NHS: variants seen among roughly 807,000 people sequenced by gnomAD.
NHS encodes the protein actin remodeling regulator NHS.
Under a neutral mutation model 72.5 loss-of-function variants are expected in NHS, and 5 were observed. The observed-to-expected ratio is 0.07, with a 90% CI of 0.04 to 0.14. NHS has a LOEUF of 0.14. NHS is among the 10% of genes least tolerant of loss of function. The pLI is 1.00. For synonymous variants in NHS, 464 were observed against 547.7 expected, an observed-to-expected ratio of 0.85 and a Z score of 2.13; for missense variants, 1,072 against 1,355.7, an observed-to-expected ratio of 0.79 and a Z score of 3.29.
chrX:17,570,285 A>G, intron 1 of NHS, among the ~76,000 whole-genome samples: 1 of 112,189 alleles, frequency 8.9e-6, no homozygotes, highest in Admixed American at 9.4e-5. Context: ...CACAATATTG[A>G]TTCTTCCTAT....
intron 1 of NHS, among the ~76,000 whole-genome samples, chrX:17,449,274 G>T (rs1327683497): frequency 8.8e-6 from 1 of 113,383 alleles, no homozygotes; most frequent in Non-Finnish European, 1.9e-5. Flanking sequence ...GTGGATTTTG[G>T]ATACCTGAGA....
At chrX:17,380,007 C>A (rs1348429235) in intron 1 of NHS, among the ~76,000 whole-genome samples, 2 of 111,527 alleles carry the variant, frequency 1.8e-5, no homozygotes, top group Admixed American at 9.5e-5. Context: ...GTTTGTGAAG[C>A]CTTGGAGCTA....
intron 1 of NHS, among the ~76,000 whole-genome samples, chrX:17,487,069 T>C (rs2064970288): frequency 8.9e-6 from 1 of 111,929 alleles, no homozygotes; most frequent in Non-Finnish European, 1.9e-5. Context: ...ACGCTCCTGC[T>C]CCAGAAAGCA....
intron 1 of NHS, among the ~76,000 whole-genome samples, chrX:17,597,121 T>A (rs1321002963): frequency 1.3e-5 from 1 of 78,884 alleles, no homozygotes; most frequent in African/African-American, 1.3e-4. Context: ...CTTCCGTTTT[T>A]TTTTTTTTTT....
At chrX:17,530,300 C>T (rs1368848133) in intron 1 of NHS, among the ~76,000 whole-genome samples, 2 of 111,352 alleles carry the variant, frequency 1.8e-5, no homozygotes, top group African/African-American at 3.3e-5. Context: ...CCGAGAGAGA[C>T]GCCAGTGCTG....
At chrX:17,503,743 C>T (rs948014755) in intron 1 of NHS, among the ~76,000 whole-genome samples, 8 of 111,844 alleles carry the variant, frequency 7.2e-5, no homozygotes, top group Non-Finnish European at 1.5e-4. Context: ...GTGATAATTT[C>T]AGGGTGTTTT....
chrX:17,377,463 T>C (rs942136790), intron 1 of NHS, among the ~76,000 whole-genome samples: 9 of 113,248 alleles, frequency 7.9e-5, no homozygotes, highest in African/African-American at 2.9e-4. Flanking sequence ...GCGAAGGTGA[T>C]GTCAGCGGCT....
In NHS at chrX:17,576,159, T is replaced by C. The variant is rs1390009968; in HGVS notation, c.566-111583T>C. On this transcript the variant is annotated intron_variant, in intron 1 of 8. Coordinates refer to ENST00000676302, the MANE Select transcript of NHS (RefSeq NM_001291867.2). ...TTATAGAATACCTAATATGTTATTC[T>C]CTCACTATCCTCAGCCACCCAAAAT... 5.4e-5 allele frequency among the ~76,000 whole-genome samples: 6 copies of C among 111,579 alleles called. No homozygotes were observed. The Admixed American group carries it at 5.7e-4, about 11-fold the overall frequency.
chrX:17,510,074 G>A (rs1262785985), intron 1 of NHS, among the ~76,000 whole-genome samples: 1 of 112,575 alleles, frequency 8.9e-6, no homozygotes, highest in East Asian at 2.8e-4. Flanking sequence ...GGTCTACCTT[G>A]AAGTTTATCC....
intron 1 of NHS, among the ~76,000 whole-genome samples, chrX:17,661,802 T>C (rs935777597): frequency 2.7e-4 from 30 of 112,049 alleles, no homozygotes; most frequent in Admixed American, 2.2e-3. Flanking sequence ...TCTTTGGGAA[T>C]TGTCCTTCCC....
chrX:17,720,657 A>G (rs1402823646), intron 4 of NHS, among the ~76,000 whole-genome samples: 2 of 112,332 alleles, frequency 1.8e-5, no homozygotes, highest in Non-Finnish European at 3.8e-5. Flanking sequence ...GAATTTTCCA[A>G]TGTCATGTAG....
chrX:17,460,628 A>C (rs143392253), intron 1 of NHS, among the ~76,000 whole-genome samples: 4,172 of 111,658 alleles, frequency 0.037, 226 homozygotes, highest in African/African-American at 0.13. Context: ...GACAACCATT[A>C]ATTTACTTGC....
At chrX:17,700,890 C>A (rs758640346) in intron 3 of NHS, among the ~76,000 whole-genome samples, 3 of 111,636 alleles carry the variant, frequency 2.7e-5, no homozygotes, top group Non-Finnish European at 5.6e-5. Context: ...CAGTATGCTA[C>A]CCTTCATGTT....
chrX:17,512,379 G>T (rs1341401476), intron 1 of NHS, among the ~76,000 whole-genome samples: 1 of 112,088 alleles, frequency 8.9e-6, no homozygotes, highest in Non-Finnish European at 1.9e-5. Context: ...ATTTTACCTA[G>T]AAAAATCCCT....
chrX:17,430,311 CTTTCCTTT>C lies in NHS; in HGVS notation c.565+53990_565+53997del, dbSNP rs1333645139. Among the ~76,000 whole-genome samples the C allele has an allele frequency of 3.8e-3, 274 of 71,169 alleles. 1 individual carries two copies. The highest frequency in any genetic ancestry group is 0.015 in the African/African-American group (260 of 17,909). 61.8% of individuals were successfully genotyped at this position (71,169 alleles called of 115,157 possible). A position where few individuals can be genotyped will look rare whatever the true frequency, so the allele number is the denominator to read the frequency against. ...TCTTTCTTTCTTTCTTTCTTTCTTT[CTTTCCTTT>C]CTTTCTTTCTTTTTCTTCTCTTTCT... On this transcript the variant is annotated intron_variant, in intron 1 of 8. Transcript: ENST00000676302.
chrX:17,474,344 A>G (rs865928325), intron 1 of NHS, among the ~76,000 whole-genome samples: 7 of 112,306 alleles, frequency 6.2e-5, no homozygotes, highest in Middle Eastern at 9.1e-3. Context: ...GAACTTTGTC[A>G]TGTGCTATTT....
Position 17,725,486 on chromosome X carries a change from CAGA to C in NHS, c.1383_1385del (p.Arg463del). 1 of 1,211,755 alleles carries C rather than the reference CAGA, an allele frequency of 8.3e-7. No individual in the cohort carries two copies. Among genetic ancestry groups the C allele is most frequent in the South Asian group, 1.8e-5 (1 of 56,979 alleles). On this transcript the variant is annotated inframe_deletion, in exon 7 of 9. Transcript: ENST00000676302. Reference sequence around the variant, plus strand: ...AGGATATTCTGATTGCTGCCCCATCCAGAAGGAGAATCAGAGCTCAAAGGGGTC... The same window carrying C: ...AGGATATTCTGATTGCTGCCCCATCCAGGAGAATCAGAGCTCAAAGGGGTC...
intron 1 of NHS, among the ~76,000 whole-genome samples, chrX:17,420,945 G>T (rs192245953): frequency 3.5e-4 from 39 of 110,734 alleles, no homozygotes; most frequent in African/African-American, 1.2e-3. Context: ...ATCTGTAATG[G>T]TATGCTTTTA....
At chrX:17,576,728 A>G (rs749447455) in intron 1 of NHS, among the ~76,000 whole-genome samples, 2 of 111,619 alleles carry the variant, frequency 1.8e-5, no homozygotes, top group African/African-American at 3.3e-5. Flanking sequence ...CACACTGTCA[A>G]TGGTGAGGAT....
Sources: allele counts gnomAD v4.1 joint callset (sites outside exome capture counted in the v4.1 genomes callset), GRCh38; gene constraint gnomAD v4.1.1; transcripts MANE v1.5; gene names NCBI Gene and HGNC (gene_info 2026-07-23, HGNC 2026-07-21).